The following ACOT1 variants were observed in gnomAD, a reference collection of about 807,000 sequenced individuals.
ACOT1 encodes acyl-CoA thioesterase 1, also known as acyl-coenzyme A thioesterase 1.
ACOT1 carries 8 observed loss-of-function variants against 15.7 expected under a neutral mutation model. That is an observed-to-expected ratio of 0.51 (90% CI 0.30 to 0.92). ACOT1 has a LOEUF of 0.92. Ranked by LOEUF, ACOT1 falls within the 40% of genes least tolerant of loss-of-function variation. ACOT1 has a pLI of 0.06. For synonymous variants in ACOT1, 67 were observed against 241.2 expected, an observed-to-expected ratio of 0.28 and a Z score of 6.69; for missense variants, 151 against 539.4, an observed-to-expected ratio of 0.28 and a Z score of 7.13.
the ACOT1 span, chr14:73,500,639 T>C: frequency 1.9e-5 from 30 of 1,614,070 alleles, no homozygotes; most frequent in South Asian, 3.1e-4. Context: ...TGCAGGAAGC[T>C]TGGGAGAAGC....
the ACOT1 span, among the ~76,000 whole-genome samples, chr14:73,516,659 G>A: frequency 2.0e-5 from 3 of 152,288 alleles, no homozygotes; most frequent in African/African-American, 4.8e-5. Context: ...CCATGGGCCT[G>A]TACCAGTTCA....
the ACOT1 span, among the ~76,000 whole-genome samples, chr14:73,531,670 A>G: frequency 3.6e-5 from 4 of 110,016 alleles, 2 homozygotes; most frequent in Non-Finnish European, 7.8e-5. Context: ...TGGCCTCCCA[A>G]AGTGCTGGGA....
At chr14:73,493,220 G>T in the ACOT1 span, 1 of 980,028 alleles carries the variant, frequency 1.0e-6, no homozygotes. Flanking sequence ...TCAGGCTTCA[G>T]TGTACTGGGT....
chr14:73,501,329 G>A, the ACOT1 span, among the ~76,000 whole-genome samples: 1 of 152,056 alleles, frequency 6.6e-6, no homozygotes, highest in Non-Finnish European at 1.5e-5. Flanking sequence ...GTTTCACTAT[G>A]TTAGCCAGGA....
chr14:73,500,907 A>G, the ACOT1 span, among the ~76,000 whole-genome samples: 1 of 152,194 alleles, frequency 6.6e-6, no homozygotes, highest in Non-Finnish European at 1.5e-5. Context: ...CTTTACTTGA[A>G]TCCCTAATAC....
chr14:73,491,923 G>T, the ACOT1 span: 1 of 1,613,608 alleles, frequency 6.2e-7, no homozygotes. Flanking sequence ...TCTGTCCGCA[G>T]GCTTTCTCTA....
chr14:73,498,980 CA>C, the ACOT1 span: 1 of 1,048,930 alleles, frequency 9.5e-7, no homozygotes, highest in Non-Finnish European at 1.5e-6. Flanking sequence ...TCCTGCACTT[CA>C]CCCCATTAGA....
At chr14:73,512,248 A>C in the ACOT1 span, 6 of 1,352,000 alleles carry the variant, frequency 4.4e-6, no homozygotes, top group Non-Finnish European at 6.1e-6. Flanking sequence ...ACCCAGAATA[A>C]TTCAAGCAAA....
At chr14:73,513,881 G>C in the ACOT1 span, 1 of 708,066 alleles carries the variant, frequency 1.4e-6, no homozygotes, top group Non-Finnish European at 2.4e-6. Context: ...CACCCAATGT[G>C]TGAAAGGCTC....
At chr14:73,521,120 C>T in the ACOT1 span, 1 of 1,242,390 alleles carries the variant, frequency 8.0e-7, no homozygotes, top group Non-Finnish European at 1.2e-6. Context: ...ACAGCTCGTT[C>T]CCTTTCCTCT....
the ACOT1 span, among the ~76,000 whole-genome samples, chr14:73,502,260 A>G: frequency 6.6e-6 from 1 of 151,510 alleles, no homozygotes; most frequent in Non-Finnish European, 1.5e-5. Context: ...TGAGTATTCC[A>G]TTTTTCTGCT....
At chr14:73,528,680 T>A in the ACOT1 span, among the ~76,000 whole-genome samples, 1 of 152,200 alleles carries the variant, frequency 6.6e-6, no homozygotes, top group Admixed American at 6.5e-5. Context: ...CCTGTTCTAA[T>A]TTAGTGTTGA....
At chr14:73,504,730 G>A in the ACOT1 span, among the ~76,000 whole-genome samples, 3 of 152,130 alleles carry the variant, frequency 2.0e-5, no homozygotes, top group Non-Finnish European at 2.9e-5. Flanking sequence ...AGTGGAGGTT[G>A]TTCACTTATC....
chr14:73,512,029 A>G, the ACOT1 span: 10 of 1,613,878 alleles, frequency 6.2e-6, no homozygotes, highest in Non-Finnish European at 7.6e-6. Context: ...GCTGGTGGCA[A>G]TCCGGGGCCG....
At chr14:73,496,552 C>G in the ACOT1 span, 1 of 1,174,662 alleles carries the variant, frequency 8.5e-7, no homozygotes, top group Non-Finnish European at 1.3e-6. Context: ...CTGAGGAACT[C>G]TTGAGAGTCC....
Position 73,537,622 on chromosome 14 carries a change from G to T in ACOT1, c.201G>T (p.Ala67=), listed in dbSNP as rs771146465. Residue 67 remains alanine, a synonymous_variant, in exon 1 of 3, where the codon GCG becomes GCT. Transcript: ENST00000311148. ...AGCTGGACCTGGAGCGCGCGCCCGC[G>T]CTGGGCGGCAGCTTCGCGGGGCTTG... is the stretch of plus-strand genomic sequence containing the variant. ...LGELDLERAP[A]LGGSFAGLEP... 14 of 1,219,842 alleles carry T rather than the reference G, an allele frequency of 1.1e-5. 3 individuals are homozygous for T. In the African/African-American group the frequency reaches 2.2e-4, roughly 19 times the overall value. The allele number at this position is 1,219,842 out of a possible 1,614,324, so 75.6% of individuals were successfully genotyped here.
At chr14:73,517,455 T>A in the ACOT1 span, 1 of 151,996 alleles carries the variant, frequency 6.6e-6, no homozygotes, top group Non-Finnish European at 1.5e-5. Context: ...AGAGGGTGCA[T>A]CACTTGAGCC....
chr14:73,504,840 G>C, the ACOT1 span, among the ~76,000 whole-genome samples: 1 of 152,184 alleles, frequency 6.6e-6, no homozygotes, highest in African/African-American at 2.4e-5. Flanking sequence ...CATTTGGACA[G>C]CTGAAGATGA....
At chr14:73,522,120 C>T in the ACOT1 span, 5 of 839,226 alleles carry the variant, frequency 6.0e-6, no homozygotes, top group Non-Finnish European at 9.5e-6. Context: ...AGAAACCTTA[C>T]TTTGCAGAGC....
Sources: allele counts gnomAD v4.1 joint callset (sites outside exome capture counted in the v4.1 genomes callset), GRCh38; gene constraint gnomAD v4.1.1; transcripts MANE v1.5; gene names NCBI Gene and HGNC (gene_info 2026-07-23, HGNC 2026-07-21).